The following NAT8L variants were observed in gnomAD, a reference collection of about 807,000 sequenced individuals.
The protein encoded by NAT8L is N-acetylaspartate synthetase.
A neutral mutation model predicts 21.2 loss-of-function variants in NAT8L; 6 were observed. That is an observed-to-expected ratio of 0.28 (90% CI 0.16 to 0.56). The LOEUF is 0.56. Among genes scored for constraint, NAT8L ranks in the 20% least tolerant of loss-of-function variants. The pLI, the probability that NAT8L is intolerant of heterozygous loss-of-function variation, is 0.93. For missense variants in NAT8L, 331 were observed against 433.3 expected (o/e 0.76, Z 2.10); for synonymous variants, 239 against 204.9 (o/e 1.17, Z -1.42).
rs1056149560 is a variant in NAT8L, at chr4:2,060,831, C to G, written c.377-167C>G. Reference sequence around the variant, plus strand: ...GGGGTGGGTGGGGTGGCTGTCTTCACCGCAGGAAGCTTGGAAATAGGGAGA... The same window carrying G: ...GGGGTGGGTGGGGTGGCTGTCTTCAGCGCAGGAAGCTTGGAAATAGGGAGA... On this transcript the variant is annotated intron_variant, in intron 1 of 2. Transcript: ENST00000423729. The surrounding 1 kb of genome is among the most constrained non-coding windows in gnomAD (Gnocchi z 4.7). 6.6e-6 allele frequency among the ~76,000 whole-genome samples: 1 copy of G among 152,170 alleles called. No homozygotes were observed. The highest frequency in any genetic ancestry group is 2.4e-5 in the African/African-American group (1 of 41,440).
Position 2,060,028 on chromosome 4 carries a change from C to A in NAT8L, c.376+141C>A. 3 of 400,338 alleles carry A rather than the reference C, an allele frequency of 7.5e-6. No homozygotes were observed. The highest frequency in any genetic ancestry group is 7.4e-6 in the Non-Finnish European group (2 of 270,052). The allele number at this position is 400,338 out of a possible 1,614,324, so 24.8% of individuals were successfully genotyped here. ...CCGCTTTCTGCCGCGCCGGGCCCCG[C>A]GCAGGGCTGGCTATGGGCGTGGGGA... On this transcript the variant is annotated intron_variant, in intron 1 of 2. Coordinates refer to ENST00000423729, the MANE Select transcript of NAT8L (RefSeq NM_178557.4). This position sits in a 1 kb window ranked among gnomAD's most constrained non-coding sequence, Gnocchi z 4.7.
At position 2,060,125 on chromosome 4, in the gene NAT8L, C is replaced by T. The variant is rs1007093347; in HGVS notation, c.376+238C>T. ...CCGCACCTGCGTCCCCGCCGCGCAG[C>T]CCCCCACCCCCACCGCCTCCCCTGT... On this transcript the variant is annotated intron_variant, in intron 1 of 2. Transcript: ENST00000423729. This position sits in a 1 kb window ranked among gnomAD's most constrained non-coding sequence, Gnocchi z 4.7. Among the ~76,000 whole-genome samples, 4 of 151,998 alleles carry T rather than the reference C, an allele frequency of 2.6e-5. No homozygotes were observed. The highest frequency in any genetic ancestry group is 4.4e-5 in the Non-Finnish European group (3 of 67,958).
In NAT8L at chr4:2,059,357, C is replaced by G. The variant is rs1220086216; in HGVS notation, c.-155C>G. Among the ~76,000 whole-genome samples the G allele has an allele frequency of 6.9e-6, 1 of 145,448 alleles. No individual in the cohort carries two copies. The highest frequency in any genetic ancestry group is 1.5e-5 in the Non-Finnish European group (1 of 65,628). ...CGCGCGCCCCGGCCGCCCGCCGCCTCCGCCCCGCGCCCCTGAGCTGCCGCC... is the reference window on the plus strand; with the variant it reads ...CGCGCGCCCCGGCCGCCCGCCGCCTGCGCCCCGCGCCCCTGAGCTGCCGCC... On this transcript the variant is annotated 5_prime_UTR_variant, in exon 1 of 3. Transcript: ENST00000423729. This position sits in a 1 kb window ranked among gnomAD's most constrained non-coding sequence, Gnocchi z 4.8.
In NAT8L at chr4:2,059,597, A is replaced by G. The variant is rs1729811186; in HGVS notation, c.86A>G (p.Asp29Gly). The G allele has an allele frequency of 6.2e-6, 6 of 972,240 alleles. No individual in the cohort carries two copies. The highest frequency in any genetic ancestry group is 7.3e-6 in the Non-Finnish European group (6 of 825,686). The allele number at this position is 972,240 out of a possible 1,614,324, so 60.2% of individuals were successfully genotyped here. The change falls in exon 1 of 3, where the codon GAC becomes GGC. Residue 29 changes from aspartate (D) to glycine (G), a missense_variant. Asp to Gly is a moderately conservative substitution (Grantham distance 94). This residue lies in a region of NAT8L where 199 missense variants were observed against 196.1 expected (regional missense o/e 1.01). Transcript: ENST00000423729. This position sits in a 1 kb window ranked among gnomAD's most constrained non-coding sequence, Gnocchi z 4.8. ...GAGGCGCTGCCGGGGGCCAAGAAGG[A>G]CGCGCTGCTCGCCGCCGCCGGCGCC... The part of the protein sequence containing the change: ...DHEALPGAKK[D>G]ALLAAAGAMW...
intron 2 of NAT8L, among the ~76,000 whole-genome samples, chr4:2,063,036 C>T (rs527995064): frequency 5.9e-5 from 9 of 152,360 alleles, no homozygotes; most frequent in Admixed American, 2.6e-4. Context: ...CTCCTGGCTT[C>T]GTGCCTGACT....
Position 2,059,906 on chromosome 4 carries a change from C to T in NAT8L, c.376+19C>T, listed in dbSNP as rs1383415016. 8.8e-6 allele frequency: 11 copies of T among 1,255,988 alleles called. No homozygotes were observed. Among genetic ancestry groups the T allele is most frequent in the Admixed American group, 3.3e-5 (1 of 29,982 alleles). The allele number at this position is 1,255,988 out of a possible 1,614,324, so 77.8% of individuals were successfully genotyped here. On this transcript the variant is annotated intron_variant, in intron 1 of 2. Transcript: ENST00000423729. This position sits in a 1 kb window ranked among gnomAD's most constrained non-coding sequence, Gnocchi z 4.8. Reference sequence around the variant, plus strand: ...CTGGCGGGTCAGTGCGCCGGGCCCCCGGCTGCCGCAGTCCCTCGGGCCGGC... The same window carrying T: ...CTGGCGGGTCAGTGCGCCGGGCCCCTGGCTGCCGCAGTCCCTCGGGCCGGC...
Position 2,059,563 on chromosome 4 carries a change from G to C in NAT8L, c.52G>C (p.Glu18Gln). The change falls in exon 1 of 3, where the codon GAG becomes CAG. Residue 18 changes from glutamate to glutamine, a missense_variant. Glu to Gln is a conservative substitution (Grantham distance 29). This residue lies in a region of NAT8L where 199 missense variants were observed against 196.1 expected (regional missense o/e 1.01). Coordinates refer to ENST00000423729, the MANE Select transcript of NAT8L (RefSeq NM_178557.4). The surrounding 1 kb of genome is among the most constrained non-coding windows in gnomAD (Gnocchi z 4.8). ...MVCETKIVAAEDHEALPGAKK... is the reference protein window; with the variant it reads ...MVCETKIVAAQDHEALPGAKK... ...CTGCGAGACGAAGATCGTGGCCGCCGAGGACCATGAGGCGCTGCCGGGGGC... is the reference window on the plus strand; with the variant it reads ...CTGCGAGACGAAGATCGTGGCCGCCCAGGACCATGAGGCGCTGCCGGGGGC... 8.0e-6 allele frequency: 8 copies of C among 996,998 alleles called. No individual in the cohort carries two copies. The highest frequency in any genetic ancestry group is 9.6e-6 in the Non-Finnish European group (8 of 836,534). The allele number at this position is 996,998 out of a possible 1,614,324, so 61.8% of individuals were successfully genotyped here.
intron 2 of NAT8L, 121 bp from the exon 3 acceptor site, chr4:2,063,639 A>G: frequency 6.4e-7 from 1 of 1,566,874 alleles, no homozygotes; most frequent in East Asian, 2.2e-5. Context: ...TGGGTGTCCC[A>G]CTGCCCTGGC....
chr4:2,068,335 G>C lies in NAT8L; in HGVS notation c.*4208G>C, dbSNP rs1390298730. 1 of 152,296 alleles carries C rather than the reference G, an allele frequency of 6.6e-6. No individual in the cohort carries two copies. The highest frequency in any genetic ancestry group is 1.9e-4 in the East Asian group (1 of 5,198). The allele number at this position is 152,296 out of a possible 1,614,324, so 9.4% of individuals were successfully genotyped here. ...TGTACGTGTGTGTGCGCATGTGTGC[G>C]TGTACATGTGTTTGTGTCTTGGGTA... On this transcript the variant is annotated 3_prime_UTR_variant, in exon 3 of 3. Transcript: ENST00000423729.
At position 2,059,841 on chromosome 4, in the gene NAT8L, C is replaced by T. The variant is rs1019103994; in HGVS notation, c.330C>T (p.Gly110=). The T allele has an allele frequency of 6.9e-5, 95 of 1,385,488 alleles. No individual in the cohort carries two copies. The highest frequency in any genetic ancestry group is 8.5e-5 in the Non-Finnish European group (90 of 1,059,572). 85.8% of individuals were successfully genotyped at this position (1,385,488 alleles called of 1,614,324 possible). A position where few individuals can be genotyped will look rare whatever the true frequency, so the allele number is the denominator to read the frequency against. The change falls in exon 1 of 3, where the codon GGC becomes GGT. Residue 110 remains glycine (G), a synonymous_variant. Coordinates refer to ENST00000423729, the MANE Select transcript of NAT8L (RefSeq NM_178557.4). The surrounding 1 kb of genome is among the most constrained non-coding windows in gnomAD (Gnocchi z 4.8). The part of the protein sequence containing the change: ...MERIPNTAFR[G]LRQHPRAQLL... ...GCATCCCTAACACGGCCTTCCGCGG[C>T]CTGCGGCAGCACCCGCGCGCGCAGC...
At position 2,067,007 on chromosome 4, in the gene NAT8L, C is replaced by T. The variant is rs1730018437; in HGVS notation, c.*2880C>T. 1 of 152,370 alleles carries T rather than the reference C, an allele frequency of 6.6e-6. No homozygotes were observed. The highest frequency in any genetic ancestry group is 1.5e-5 in the Non-Finnish European group (1 of 68,154). 9.4% of individuals were successfully genotyped at this position (152,370 alleles called of 1,614,324 possible). A position where few individuals can be genotyped will look rare whatever the true frequency, so the allele number is the denominator to read the frequency against. On this transcript the variant is annotated 3_prime_UTR_variant, in exon 3 of 3. Transcript: ENST00000423729. ...AGGGCTGAAGCGCCTCGGGATGCCC[C>T]ACACTGCCCAGAGCCACGGGTCTTG...
chr4:2,062,783 G>A (rs545928221), intron 2 of NAT8L, among the ~76,000 whole-genome samples: 12 of 152,120 alleles, frequency 7.9e-5, no homozygotes, highest in African/African-American at 2.7e-4. Flanking sequence ...CCCGGGGCTC[G>A]GGGCAGGTGC....
At position 2,067,258 on chromosome 4, in the gene NAT8L, T is replaced by C. The variant is rs996227326; in HGVS notation, c.*3131T>C. On this transcript the variant is annotated 3_prime_UTR_variant, in exon 3 of 3. Transcript: ENST00000423729. ...CTTGCTTCCGGCTGGTGGCATGCCT[T>C]GGGGCCGGGCAGCAGGTGAGAAGCT... 6.6e-6 allele frequency: 1 copy of C among 152,380 alleles called. No individual in the cohort carries two copies. Among genetic ancestry groups the C allele is most frequent in the African/African-American group, 2.4e-5 (1 of 41,458 alleles). The allele number at this position is 152,380 out of a possible 1,614,324, so 9.4% of individuals were successfully genotyped here. A position where few individuals can be genotyped will look rare whatever the true frequency, so the allele number is the denominator to read the frequency against.
chr4:2,061,807 T>C (rs1729897463), intron 2 of NAT8L, among the ~76,000 whole-genome samples: 1 of 152,018 alleles, frequency 6.6e-6, no homozygotes. Flanking sequence ...GACTCTGCTC[T>C]CTGGGGTGGG....
At position 2,061,185 on chromosome 4, in the gene NAT8L, C is replaced by CCCGACCT. The variant is rs1257094124; in HGVS notation, c.541+27_541+33dup. On this transcript the variant is annotated intron_variant, in intron 2 of 2. Transcript: ENST00000423729. Reference sequence around the variant, plus strand: ...CCGGTGAGTCCCGCTCCCGCCGCTCCCCGACCTCCGCCCCAGACAGCCCTC... The same window carrying CCCGACCT: ...CCGGTGAGTCCCGCTCCCGCCGCTCCCCGACCTCCGACCTCCGCCCCAGACAGCCCTC... 3.7e-6 allele frequency: 6 copies of CCCGACCT among 1,610,190 alleles called. 1 individual carries two copies. The South Asian group carries it at 6.6e-5, about 18-fold the overall frequency.
In NAT8L at chr4:2,060,101, C is replaced by T. The variant is rs1348878616; in HGVS notation, c.376+214C>T. On this transcript the variant is annotated intron_variant, in intron 1 of 2. Coordinates refer to ENST00000423729, the MANE Select transcript of NAT8L (RefSeq NM_178557.4). The surrounding 1 kb of genome is among the most constrained non-coding windows in gnomAD (Gnocchi z 4.7). The stretch of plus-strand genomic sequence containing the variant: ...CCGGAGCCGGGGAGGGTCCGGGGTC[C>T]GCACCTGCGTCCCCGCCGCGCAGCC... Among the ~76,000 whole-genome samples, 2 of 151,888 alleles carry T rather than the reference C, an allele frequency of 1.3e-5. No individual in the cohort carries two copies. Among genetic ancestry groups the T allele is most frequent in the African/African-American group, 2.4e-5 (1 of 41,402 alleles).
At position 2,068,681 on chromosome 4, in the gene NAT8L, G is replaced by T. The variant is rs1474196837; in HGVS notation, c.*4554G>T. The T allele has an allele frequency of 6.6e-6, 1 of 152,292 alleles. No individual in the cohort carries two copies. The highest frequency in any genetic ancestry group is 2.4e-5 in the African/African-American group (1 of 41,444). 9.4% of individuals were successfully genotyped at this position (152,292 alleles called of 1,614,324 possible). A position where few individuals can be genotyped will look rare whatever the true frequency, so the allele number is the denominator to read the frequency against. ...TGTGTGTACTTGCATATATGTGGCT[G>T]TGCAGGTACCCGGCGGTGGTGGGCT... On this transcript the variant is annotated 3_prime_UTR_variant, in exon 3 of 3. Coordinates refer to ENST00000423729, the MANE Select transcript of NAT8L (RefSeq NM_178557.4).
At chr4:2,063,365 G>A (rs1729928964) in intron 2 of NAT8L, among the ~76,000 whole-genome samples, 1 of 152,266 alleles carries the variant, frequency 6.6e-6, no homozygotes, top group Non-Finnish European at 1.5e-5. Context: ...TAGCTGGGCA[G>A]AGGGCAGCGG....
In NAT8L at chr4:2,061,025, T is replaced by C. The variant is rs1438597161; in HGVS notation, c.404T>C (p.Leu135Pro). The C allele has an allele frequency of 2.5e-6, 4 of 1,573,490 alleles. No homozygotes were observed. The highest frequency in any genetic ancestry group is 3.4e-6 in the Non-Finnish European group (4 of 1,160,676). The change falls in exon 2 of 3, where the codon CTG becomes CCG. Residue 135 changes from leucine to proline, a missense_variant. Physicochemically the swap from Leu to Pro is moderately conservative, Grantham distance 98. This residue lies in a region of NAT8L where 199 missense variants were observed against 196.1 expected (regional missense o/e 1.01). Coordinates refer to ENST00000423729, the MANE Select transcript of NAT8L (RefSeq NM_178557.4). ...CTGTGCTTCGCCGTGAGCCGCTCGC[T>C]GCTGCTGACGTGCCTGGTGCCGGCC... is the stretch of plus-strand genomic sequence containing the variant. ...AALCFAVSRS[L>P]LLTCLVPAAL... is the part of the protein sequence containing the mutation.
Sources: allele counts gnomAD v4.1 joint callset (sites outside exome capture counted in the v4.1 genomes callset), GRCh38; gene constraint gnomAD v4.1.1; regional missense constraint gnomAD v4.1.1; non-coding constraint Gnocchi (gnomAD v3.1); transcripts MANE v1.5; gene names NCBI Gene and HGNC (gene_info 2026-07-23, HGNC 2026-07-21).